GRIK1: variants seen among roughly 807,000 people sequenced by gnomAD.
GRIK1 encodes glutamate ionotropic receptor kainate type subunit 1.
A neutral mutation model predicts 105.7 loss-of-function variants in GRIK1; 69 were observed. That is an observed-to-expected ratio of 0.65 (90% CI 0.54 to 0.80). The LOEUF (loss-of-function observed/expected upper bound fraction) is 0.80, where lower values mean the gene tolerates loss of function less well. GRIK1 is among the 30% of genes least tolerant of loss of function. The pLI, the probability that GRIK1 is intolerant of heterozygous loss-of-function variation, is 0.00. For missense variants in GRIK1, 1,109 were observed against 1,167.3 expected, an observed-to-expected ratio of 0.95 and a Z score of 0.73; for synonymous variants, 438 against 431.3, an observed-to-expected ratio of 1.02 and a Z score of -0.19.
intron 8 of GRIK1, 105 bp from the exon 9 acceptor site, chr21:29,596,675 C>G (rs2061420125): frequency 1.2e-6 from 1 of 821,342 alleles, no homozygotes; most frequent in Non-Finnish European, 2.1e-6. Flanking sequence ...TGTTACAGTT[C>G]CCACCCATTG....
chr21:29,609,759 A>T (rs1237750974), intron 7 of GRIK1, among the ~76,000 whole-genome samples: 1 of 152,172 alleles, frequency 6.6e-6, no homozygotes, highest in East Asian at 1.9e-4. Context: ...AGACTGAATT[A>T]CACCATCTGC....
At chr21:29,540,246 C>A (rs2089947235) in intron 16 of GRIK1, among the ~76,000 whole-genome samples, 1 of 152,168 alleles carries the variant, frequency 6.6e-6, no homozygotes, top group African/African-American at 2.4e-5. Context: ...CCTTAAAGTA[C>A]AACAAACATC....
chr21:29,669,124 C>T (rs1198173688), intron 4 of GRIK1, among the ~76,000 whole-genome samples: 3 of 152,174 alleles, frequency 2.0e-5, no homozygotes, highest in Non-Finnish European at 4.4e-5. Context: ...AATAACTTCT[C>T]AGATTTTCAT....
chr21:29,686,469 G>C (rs1011377105), intron 3 of GRIK1, among the ~76,000 whole-genome samples: 2 of 152,196 alleles, frequency 1.3e-5, no homozygotes, highest in Non-Finnish European at 2.9e-5. Flanking sequence ...TTGGATGTGA[G>C]CTGAACCCAC....
At position 29,934,158 on chromosome 21, in the gene GRIK1, T is replaced by C. The variant is rs148957400; in HGVS notation, c.118+5225A>G. On this transcript the variant is annotated intron_variant, in intron 1 of 17. Transcript: ENST00000327783. ...GTGTTTGCTAGGCATAGGTAGGTAG[T>C]GAGGCTTCCTCTCCAACTTGATTGC... Among the ~76,000 whole-genome samples the C allele has an allele frequency of 3.1e-3, 467 of 152,330 alleles. 4 individuals are homozygous for C. Among genetic ancestry groups the C allele is most frequent in the African/African-American group, 0.011 (443 of 41,574 alleles).
intron 1 of GRIK1, among the ~76,000 whole-genome samples, chr21:29,772,239 A>C (rs750135313): frequency 3.4e-4 from 51 of 152,142 alleles, no homozygotes; most frequent in Non-Finnish European, 6.2e-4. Context: ...AACTGAATAC[A>C]ATTTTTGTTC....
At chr21:29,682,640 A>T (rs1462911941) in intron 3 of GRIK1, among the ~76,000 whole-genome samples, 1 of 152,222 alleles carries the variant, frequency 6.6e-6, no homozygotes, top group African/African-American at 2.4e-5. Flanking sequence ...CTCAAGATGA[A>T]TTAAAGATTT....
At chr21:29,881,059 C>T (rs1000155490) in intron 1 of GRIK1, among the ~76,000 whole-genome samples, 4 of 152,080 alleles carry the variant, frequency 2.6e-5, no homozygotes, top group African/African-American at 9.7e-5. Flanking sequence ...TGTGGAAAAG[C>T]CTAATCCTGA....
intron 3 of GRIK1, among the ~76,000 whole-genome samples, chr21:29,686,604 G>A (rs2063490440): frequency 6.6e-6 from 1 of 152,212 alleles, no homozygotes; most frequent in Non-Finnish European, 1.5e-5. Flanking sequence ...TGCAAATAAA[G>A]GTTTATTGGA....
At chr21:29,878,229 G>A (rs998323424) in intron 1 of GRIK1, among the ~76,000 whole-genome samples, 2 of 152,118 alleles carry the variant, frequency 1.3e-5, no homozygotes, top group Non-Finnish European at 2.9e-5. Flanking sequence ...GTAGAAGACA[G>A]CAGGCAAAAG....
intron 1 of GRIK1, among the ~76,000 whole-genome samples, chr21:29,911,597 A>C (rs463174): frequency 0.28 from 42,951 of 151,822 alleles, 8,372 homozygotes; most frequent in African/African-American, 0.56. Context: ...AAACCCTAAC[A>C]CGCAGTGGGA....
At chr21:29,758,102 C>A (rs957622668) in intron 1 of GRIK1, among the ~76,000 whole-genome samples, 14 of 152,212 alleles carry the variant, frequency 9.2e-5, no homozygotes, top group African/African-American at 3.4e-4. Flanking sequence ...GAGCCACATT[C>A]CATTGGCCAG....
At chr21:29,612,399 A>C (rs1046774443) in intron 7 of GRIK1, among the ~76,000 whole-genome samples, 8 of 152,182 alleles carry the variant, frequency 5.3e-5, no homozygotes, top group African/African-American at 1.9e-4. Context: ...TTACCACATT[A>C]CCATAAGTGT....
At chr21:29,852,641 T>A (rs1333046962) in intron 1 of GRIK1, among the ~76,000 whole-genome samples, 2 of 152,220 alleles carry the variant, frequency 1.3e-5, no homozygotes, top group Non-Finnish European at 2.9e-5. Flanking sequence ...CACATAAATA[T>A]GCAAGTCATT....
rs76343619 is a variant in GRIK1 at position 29,614,244 on chromosome 21, C to T, written c.1099-15307G>A. 7.9e-3 allele frequency among the ~76,000 whole-genome samples: 1,206 copies of T among 152,162 alleles called. 18 individuals carry two copies. Among genetic ancestry groups the T allele is most frequent in the African/African-American group, 0.027 (1,131 of 41,510 alleles). On this transcript the variant is annotated intron_variant, in intron 7 of 17. Transcript: ENST00000327783. The stretch of plus-strand genomic sequence containing the variant: ...CCATGGCCCAGGACCTCCTGCATCC[C>T]GTCAGTCCTGGAGGCATTTACGCTG...
intron 1 of GRIK1, among the ~76,000 whole-genome samples, chr21:29,870,276 C>T (rs2146131325): frequency 6.6e-6 from 1 of 151,958 alleles, no homozygotes; most frequent in East Asian, 1.9e-4. Flanking sequence ...ATAAGTATTG[C>T]AACATTTTAT....
chr21:29,555,214 A>G lies in GRIK1; in HGVS notation c.2445T>C (p.Arg815=). The change falls in exon 16 of 18, where the codon CGT becomes CGC. Residue 815 remains arginine (R), a synonymous_variant. Coordinates refer to ENST00000327783, the MANE Select transcript of GRIK1 (RefSeq NM_001330994.2). ...KLHMMKEKWW[R]GNGCPEEDNK... is the part of the protein sequence containing the mutation. ...TGTCTTCCTCGGGGCAGCCATTCCC[A>G]CGCCACCACTTCTCTTTCATCATAT... 6.2e-7 allele frequency: 1 copy of G among 1,613,892 alleles called. No individual in the cohort carries two copies. Among genetic ancestry groups the G allele is most frequent in the South Asian group, 1.1e-5 (1 of 91,074 alleles).
chr21:29,765,565 A>C (rs377620870), intron 1 of GRIK1, among the ~76,000 whole-genome samples: 1 of 152,126 alleles, frequency 6.6e-6, no homozygotes, highest in East Asian at 1.9e-4. Context: ...TGGCTATATA[A>C]GATGGCTTTT....
At chr21:29,649,588 G>A (rs2062688818) in intron 6 of GRIK1, among the ~76,000 whole-genome samples, 1 of 152,100 alleles carries the variant, frequency 6.6e-6, no homozygotes, top group Non-Finnish European at 1.5e-5. Flanking sequence ...CCTCACGCTC[G>A]GCCTGATTCC....
Sources: allele counts gnomAD v4.1 joint callset (sites outside exome capture counted in the v4.1 genomes callset), GRCh38; gene constraint gnomAD v4.1.1; transcripts MANE v1.5; gene names NCBI Gene and HGNC (gene_info 2026-07-23, HGNC 2026-07-21).